The following MKI67 variants were observed in gnomAD, a reference collection of about 807,000 sequenced individuals.
MKI67 encodes marker of proliferation Ki-67.
In MKI67, 152 loss-of-function variants were observed where a neutral mutation model predicts 233.5. That is an observed-to-expected ratio of 0.65 (90% CI 0.57 to 0.74). The LOEUF is 0.74. Ranked by LOEUF, MKI67 falls within the 30% of genes least tolerant of loss-of-function variation. The probability of loss-of-function intolerance (pLI) is 0.00; values close to 1 mark genes in which losing one functional copy is unlikely to be tolerated. For missense variants in MKI67, 3,940 were observed against 3,885.2 expected, an observed-to-expected ratio of 1.01 and a Z score of -0.37; for synonymous variants, 1,465 against 1,418.5, an observed-to-expected ratio of 1.03 and a Z score of -0.74.
rs200599851 is a variant in MKI67, at chr10:128,107,923, T to C, written c.3917A>G (p.Glu1306Gly). 1.2e-6 allele frequency: 2 copies of C among 1,613,754 alleles called. No individual in the cohort carries two copies. Among genetic ancestry groups the C allele is most frequent in the Non-Finnish European group, 1.7e-6 (2 of 1,179,990 alleles). Residue 1306 changes from glutamate (E) to glycine (G), a missense_variant, in exon 13 of 15, where the codon GAG (glutamate) becomes GGG (glycine). Physicochemically the swap from Glu to Gly is moderately conservative, Grantham distance 98. Transcript: ENST00000368654. ...MHTPKPSVGEEKDIIIFVGTP... is the reference protein window; with the variant it reads ...MHTPKPSVGEGKDIIIFVGTP... ...TCCCACAAATATGATGATGTCTTTC[T>C]CTTCACCTACTGATGGTTTAGGCGT... is the stretch of plus-strand genomic sequence containing the variant.
At position 128,098,880 on chromosome 10, in the gene MKI67, G is replaced by C. The variant is rs887073225; in HGVS notation, c.*310C>G. 8.7e-6 allele frequency: 2 copies of C among 230,820 alleles called. No individual in the cohort carries two copies. The highest frequency in any genetic ancestry group is 4.5e-5 in the African/African-American group (2 of 44,040). 14.3% of individuals were successfully genotyped at this position (230,820 alleles called of 1,614,324 possible). A position where few individuals can be genotyped will look rare whatever the true frequency, so the allele number is the denominator to read the frequency against. ...ACGACACAGTGTGGCAAGTGTCACA[G>C]TTAAGGCTGCTGTAGGGTGGCTGTG... On this transcript the variant is annotated 3_prime_UTR_variant, in exon 15 of 15. Coordinates refer to ENST00000368654, the MANE Select transcript of MKI67 (RefSeq NM_002417.5).
chr10:128,108,632 C>G lies in MKI67; in HGVS notation c.3208G>C (p.Glu1070Gln). Reference protein sequence around the residue: ...GDGKSIRTFKESPKQILDPAA... With the variant: ...GDGKSIRTFKQSPKQILDPAA... ...GGGTCCAGGATCTGCTTTGGAGACT[C>G]CTTAAACGTTCTGATGCTCTTGCCA... Residue 1070 changes from glutamate to glutamine, a missense_variant, in exon 13 of 15, where the codon GAG (glutamate) becomes CAG (glutamine). Coordinates refer to ENST00000368654, the MANE Select transcript of MKI67 (RefSeq NM_002417.5). 4.3e-6 allele frequency: 7 copies of G among 1,614,176 alleles called. No homozygotes were observed. The highest frequency in any genetic ancestry group is 5.9e-6 in the Non-Finnish European group (7 of 1,180,030).
At position 128,106,576 on chromosome 10, in the gene MKI67, G is replaced by T; in HGVS notation, c.5264C>A (p.Pro1755His). Residue 1755 changes from proline (P) to histidine (H), a missense_variant, in exon 13 of 15, where the codon CCC becomes CAC. Transcript: ENST00000368654. ...VDTPTSSKPQ[P>H]KRSLRKADTE... is the part of the protein sequence containing the mutation. ...GTCTGCTTTCCTGAGACTTCTCTTGGGCTGTGGCTTGGAGCTTGTTGGGGT... is the reference window on the plus strand; with the variant it reads ...GTCTGCTTTCCTGAGACTTCTCTTGTGCTGTGGCTTGGAGCTTGTTGGGGT... 1.2e-6 allele frequency: 2 copies of T among 1,614,102 alleles called. No homozygotes were observed. Among genetic ancestry groups the T allele is most frequent in the Non-Finnish European group, 1.7e-6 (2 of 1,180,006 alleles).
In MKI67 at chr10:128,101,527, T is replaced by G; in HGVS notation, c.9436A>C (p.Arg3146=). Residue 3146 remains arginine (R), a synonymous_variant, in exon 14 of 15, where the codon AGA becomes CGA. Transcript: ENST00000368654. ...PDDGARKPIP[R]DKVTENKRCL... is the part of the protein sequence containing the mutation. ...CTTTTGTTCTCAGTGACTTTGTCTC[T>G]AGGTATGGGTTTCCGGGCTCCATCA... The G allele has an allele frequency of 6.2e-7, 1 of 1,614,246 alleles. No individual in the cohort carries two copies. Among genetic ancestry groups the G allele is most frequent in the Non-Finnish European group, 8.5e-7 (1 of 1,180,034 alleles).
rs2136153842 is a variant in MKI67 at position 128,125,119 on chromosome 10, G to A, written c.92+457C>T. 6.6e-6 allele frequency among the ~76,000 whole-genome samples: 1 copy of A among 152,286 alleles called. No homozygotes were observed. The highest frequency in any genetic ancestry group is 2.1e-4 in the South Asian group (1 of 4,818). ...ACAGGACAGCAATATAAGAGGAAAC[G>A]TTCTCGAATTCCAGGCAGGAAGACT... is the stretch of plus-strand genomic sequence containing the variant. On this transcript the variant is annotated intron_variant, in intron 2 of 14. Coordinates refer to ENST00000368654, the MANE Select transcript of MKI67 (RefSeq NM_002417.5). The surrounding 1 kb of genome is among the most constrained non-coding windows in gnomAD (Gnocchi z 5.3).
Position 128,115,466 on chromosome 10 carries a change from G to T in MKI67, c.942C>A (p.Asp314Glu). 1.2e-6 allele frequency: 2 copies of T among 1,613,872 alleles called. No individual in the cohort carries two copies. Among genetic ancestry groups the T allele is most frequent in the Non-Finnish European group, 1.7e-6 (2 of 1,179,952 alleles). Residue 314 changes from aspartate to glutamate, a missense_variant, in exon 7 of 15, where the codon GAC (aspartate) becomes GAA (glutamate). Coordinates refer to ENST00000368654, the MANE Select transcript of MKI67 (RefSeq NM_002417.5). The part of the protein sequence containing the change: ...AEPASPEQEL[D>E]QNKGKGRDVE... Reference sequence around the variant, plus strand: ...CGTCTCTTCCCTTCCCCTTGTTCTGGTCAAGCTCTTGTTCAGGTGAAGCAG... The same window carrying T: ...CGTCTCTTCCCTTCCCCTTGTTCTGTTCAAGCTCTTGTTCAGGTGAAGCAG...
rs909356059 is a variant in MKI67 at position 128,125,687 on chromosome 10, G to A, written c.-20C>T. On this transcript the variant is annotated 5_prime_UTR_variant, in exon 2 of 15. Transcript: ENST00000368654. This position sits in a 1 kb window ranked among gnomAD's most constrained non-coding sequence, Gnocchi z 5.3. ...CCACATTTTCTAAACAGTAAGTTGAGTATAATCCGTAGGGGAAGGCCAGGT... is the reference window on the plus strand; with the variant it reads ...CCACATTTTCTAAACAGTAAGTTGAATATAATCCGTAGGGGAAGGCCAGGT... The A allele has an allele frequency of 1.9e-6, 3 of 1,600,106 alleles. No homozygotes were observed. The highest frequency in any genetic ancestry group is 1.3e-5 in the African/African-American group (1 of 74,790).
chr10:128,100,680 G>T (rs966323879), intron 14 of MKI67, among the ~76,000 whole-genome samples: 1 of 152,116 alleles, frequency 6.6e-6, no homozygotes, highest in Non-Finnish European at 1.5e-5. Flanking sequence ...ATTATGAGTG[G>T]CTCAACTTGA....
rs1565004460 is a variant in MKI67 at position 128,106,875 on chromosome 10, T to A, written c.4965A>T (p.Thr1655=). The change falls in exon 13 of 15, where the codon ACA becomes ACT. Residue 1655 remains threonine, a synonymous_variant. Coordinates refer to ENST00000368654, the MANE Select transcript of MKI67 (RefSeq NM_002417.5). Reference sequence around the variant, plus strand: ...TGTGTGTGTGTGTAGTCTCTCCTGATGTCTGTGTGAGCTTGCCAACTGCTA... The same window carrying A: ...TGTGTGTGTGTGTAGTCTCTCCTGAAGTCTGTGTGAGCTTGCCAACTGCTA... ...ELLAVGKLTQ[T]SGETTHTHTE... 6.2e-7 allele frequency: 1 copy of A among 1,614,188 alleles called. No individual in the cohort carries two copies. Among genetic ancestry groups the A allele is most frequent in the Non-Finnish European group, 8.5e-7 (1 of 1,180,018 alleles).
chr10:128,108,170 G>C lies in MKI67; in HGVS notation c.3670C>G (p.Leu1224Val). 6.2e-7 allele frequency: 1 copy of C among 1,613,766 alleles called. No homozygotes were observed. Among genetic ancestry groups the C allele is most frequent in the South Asian group, 1.1e-5 (1 of 91,068 alleles). The change falls in exon 13 of 15, where the codon CTG (leucine) becomes GTG (valine). Residue 1224 changes from leucine to valine, a missense_variant. Coordinates refer to ENST00000368654, the MANE Select transcript of MKI67 (RefSeq NM_002417.5). ...PKEKAQALED[L>V]AGFKELFQTP... ...TGGAAGAGCTCTTTAAAGCCAGCCA[G>C]GTCTTCTAGAGCCTGGGCCTTTTCC... is the stretch of plus-strand genomic sequence containing the variant.
chr10:128,106,849 G>C lies in MKI67; in HGVS notation c.4991C>G (p.Thr1664Arg). ...GCTCTTACCATCTCCTGTTGGCTCTGTGTGTGTGTGTGTAGTCTCTCCTGA... is the reference window on the plus strand; with the variant it reads ...GCTCTTACCATCTCCTGTTGGCTCTCTGTGTGTGTGTGTAGTCTCTCCTGA... ...QTSGETTHTHTEPTGDGKSMK... is the reference protein window; with the variant it reads ...QTSGETTHTHREPTGDGKSMK... Residue 1664 changes from threonine (T) to arginine (R), a missense_variant, in exon 13 of 15, where the codon ACA becomes AGA. Coordinates refer to ENST00000368654, the MANE Select transcript of MKI67 (RefSeq NM_002417.5). The C allele has an allele frequency of 2.0e-6, 3 of 1,468,110 alleles. No individual in the cohort carries two copies. The highest frequency in any genetic ancestry group is 2.4e-5 in the East Asian group (1 of 40,894). The allele number at this position is 1,468,110 out of a possible 1,614,324, so 90.9% of individuals were successfully genotyped here.
chr10:128,101,562 T>C lies in MKI67; in HGVS notation c.9401A>G (p.Gln3134Arg). The part of the protein sequence containing the change: ...PMKTSPEMDI[Q>R]NPDDGARKPI... ...TTTCCGGGCTCCATCATCTGGATTCTGAATGTCCATCTCTGGGGAGGTCTT... is the reference window on the plus strand; with the variant it reads ...TTTCCGGGCTCCATCATCTGGATTCCGAATGTCCATCTCTGGGGAGGTCTT... Residue 3134 changes from glutamine (Q) to arginine (R), a missense_variant, in exon 14 of 15, where the codon CAG becomes CGG. By Grantham distance (43) the Gln-to-Arg change is conservative. Transcript: ENST00000368654. 1 of 1,614,260 alleles carries C rather than the reference T, an allele frequency of 6.2e-7. No individual in the cohort carries two copies. The highest frequency in any genetic ancestry group is 8.5e-7 in the Non-Finnish European group (1 of 1,180,048).
intron 4 of MKI67, among the ~76,000 whole-genome samples, chr10:128,121,762 T>A (rs370805545): frequency 1.3e-5 from 2 of 151,542 alleles, no homozygotes; most frequent in East Asian, 3.9e-4. Context: ...GAATGAATTC[T>A]GTATAGTTAT....
rs138689138 is a variant in MKI67 at position 128,106,255 on chromosome 10, G to A, written c.5585C>T (p.Pro1862Leu). Residue 1862 changes from proline (P) to leucine (L), a missense_variant, in exon 13 of 15, where the codon CCG becomes CTG. Physicochemically the swap from Pro to Leu is moderately conservative, Grantham distance 98. Coordinates refer to ENST00000368654, the MANE Select transcript of MKI67 (RefSeq NM_002417.5). ...KTTKKILCKS[P>L]QSDPADTPTN... ...TGGGGTGTCCGCTGGGTCTGATTGC[G>A]GAGATTTGCAGAGTATTTTTTTGGT... 2.2e-4 allele frequency: 357 copies of A among 1,614,080 alleles called. 1 individual carries two copies. Among genetic ancestry groups the A allele is most frequent in the East Asian group, 3.8e-4 (17 of 44,872 alleles).
chr10:128,104,020 C>T lies in MKI67; in HGVS notation c.7820G>A (p.Arg2607His), dbSNP rs34688192. 5.2e-4 allele frequency: 841 copies of T among 1,613,990 alleles called. 6 individuals are homozygous for T. In the African/African-American group the frequency reaches 9.3e-3, roughly 18 times the overall value. The change falls in exon 13 of 15, where the codon CGT (arginine) becomes CAT (histidine). Residue 2607 changes from arginine (R) to histidine (H), a missense_variant. Transcript: ENST00000368654. The stretch of plus-strand genomic sequence containing the variant: ...CTCCTCTTTTACTTCTTTCCTGGGA[C>T]GTGTCTTGGGGCATCTCTTTGTGCT... ...ATSTKRCPKT[R>H]PRKEVKEELS...
rs773793477 is a variant in MKI67, at chr10:128,115,505, G to A, written c.903C>T (p.His301=). Residue 301 remains histidine, a synonymous_variant, in exon 7 of 15, where the codon CAC becomes CAT. Transcript: ENST00000368654. ...KSRPKSGGSG[H]AVAEPASPEQ... is the part of the protein sequence containing the mutation. ...CAGGTGAAGCAGGCTCTGCCACAGC[G>A]TGGCCGCTCCCACCAGATTTTGGTC... is the stretch of plus-strand genomic sequence containing the variant. The A allele has an allele frequency of 3.5e-5, 56 of 1,614,044 alleles. No individual in the cohort carries two copies. In the Admixed American group the frequency reaches 5.5e-4, roughly 16 times the overall value.
intron 8 of MKI67, among the ~76,000 whole-genome samples, chr10:128,113,096 G>A (rs1852716931): frequency 1.3e-5 from 2 of 152,182 alleles, no homozygotes; most frequent in Non-Finnish European, 2.9e-5. Flanking sequence ...ACGTGGTAAT[G>A]TATCCAGAAT....
Position 128,115,614 on chromosome 10 carries a change from C to A in MKI67, c.794G>T (p.Gly265Val), listed in dbSNP as rs142705663. 3.1e-6 allele frequency: 5 copies of A among 1,614,020 alleles called. No individual in the cohort carries two copies. In the African/African-American group the frequency reaches 6.7e-5, roughly 22 times the overall value. ...CTCTGTTGCGTAATCAGTTTGTAAT[C>A]CAGATTTTCTACAATACTGTAGGAC... ...ENVLQYCRKS[G>V]LQTDYATEKE... The change falls in exon 7 of 15, where the codon GGA (glycine) becomes GTA (valine). Residue 265 changes from glycine to valine, a missense_variant. Gly to Val is a moderately radical substitution (Grantham distance 109). Transcript: ENST00000368654.
At chr10:128,110,621 T>C (rs754199297) in intron 11 of MKI67, 88 bp from the exon 12 acceptor site, 4 of 1,030,112 alleles carry the variant, frequency 3.9e-6, no homozygotes, top group Non-Finnish European at 5.5e-6. Flanking sequence ...GTGCAAATGG[T>C]GGGAAATAAC....
Sources: allele counts gnomAD v4.1 joint callset (sites outside exome capture counted in the v4.1 genomes callset), GRCh38; gene constraint gnomAD v4.1.1; non-coding constraint Gnocchi (gnomAD v3.1); transcripts MANE v1.5; gene names NCBI Gene and HGNC (gene_info 2026-07-23, HGNC 2026-07-21).